Variants in ANKH observed in about 807,000 individuals in gnomAD.
The protein encoded by ANKH is ANKH inorganic pyrophosphate transport regulator.
In ANKH, 15 loss-of-function variants were observed where a neutral mutation model predicts 49.0. The ratio of observed to expected loss-of-function variants is 0.31; its 90% CI spans 0.20 to 0.47. ANKH has a LOEUF of 0.47. Ranked by LOEUF, ANKH falls within the 20% of genes least tolerant of loss-of-function variation. ANKH has a pLI of 1.00. For missense variants in ANKH, 429 were observed against 652.0 expected (o/e 0.66, Z 3.72); for synonymous variants, 273 against 260.0 (o/e 1.05, Z -0.48).
intron 1 of ANKH, among the ~76,000 whole-genome samples, chr5:14,858,078 G>A (rs2126628512): frequency 6.6e-6 from 1 of 152,310 alleles, no homozygotes; most frequent in South Asian, 2.1e-4. Context: ...ATAAATGATG[G>A]AATAGCCATG....
chr5:14,830,808 A>G (rs900775477), intron 1 of ANKH, among the ~76,000 whole-genome samples: 8 of 151,678 alleles, frequency 5.3e-5, no homozygotes, highest in African/African-American at 1.7e-4. Flanking sequence ...TCACCACTTT[A>G]CCCCCAACAT....
intron 1 of ANKH, among the ~76,000 whole-genome samples, chr5:14,844,822 C>CCT (rs148103149): frequency 0.019 from 2,891 of 152,274 alleles, 68 homozygotes; most frequent in African/African-American, 0.053. Context: ...TCTCCCCACT[C>CCT]CTCTTTTCTT....
intron 8 of ANKH, among the ~76,000 whole-genome samples, chr5:14,730,051 C>T (rs1737945938): frequency 6.6e-6 from 1 of 152,302 alleles, no homozygotes; most frequent in Admixed American, 6.5e-5. Context: ...CAGAAGCAGC[C>T]CGCTGTGCTG....
intron 1 of ANKH, among the ~76,000 whole-genome samples, chr5:14,805,036 A>C (rs1187145723): frequency 6.6e-6 from 1 of 152,190 alleles, no homozygotes; most frequent in African/African-American, 2.4e-5. Context: ...AAGGATACAA[A>C]GTACTGATTT....
At chr5:14,796,050 T>C (rs1395549707) in intron 1 of ANKH, among the ~76,000 whole-genome samples, 1 of 152,174 alleles carries the variant, frequency 6.6e-6, no homozygotes, top group Admixed American at 6.5e-5. Context: ...AGATCTTAGC[T>C]GAAAAAATTC....
intron 1 of ANKH, among the ~76,000 whole-genome samples, chr5:14,818,273 G>T (rs1042244035): frequency 6.6e-6 from 1 of 151,964 alleles, no homozygotes; most frequent in Non-Finnish European, 1.5e-5. Flanking sequence ...AGGATCAGTA[G>T]GAGGAGAAAG....
rs546407827 is a variant in ANKH at position 14,774,354 on chromosome 5, C to T, written c.97-5163G>A. 1.8e-4 allele frequency among the ~76,000 whole-genome samples: 27 copies of T among 152,276 alleles called. No homozygotes were observed. The South Asian group carries it at 5.6e-3, about 32-fold the overall frequency. On this transcript the variant is annotated intron_variant, in intron 1 of 11. Transcript: ENST00000284268. ...AGTTATGGATTAAAACTAATTGTCT[C>T]CAACTAGTGCATTACTTCAAAATCA...
At chr5:14,815,840 G>T (rs1305995633) in intron 1 of ANKH, among the ~76,000 whole-genome samples, 2 of 152,204 alleles carry the variant, frequency 1.3e-5, no homozygotes, top group Non-Finnish European at 2.9e-5. Flanking sequence ...AACACGATCG[G>T]GAATTTTGCA....
intron 2 of ANKH, among the ~76,000 whole-genome samples, chr5:14,767,806 T>C (rs4701619): frequency 0.24 from 36,606 of 152,024 alleles, 4,766 homozygotes; most frequent in East Asian, 0.5. Flanking sequence ...ATACTGTACA[T>C]GTATTCTTTG....
At chr5:14,861,574 G>A (rs2250628) in intron 1 of ANKH, among the ~76,000 whole-genome samples, 6,267 of 152,212 alleles carry the variant, frequency 0.041, 143 homozygotes, top group African/African-American at 0.07. Flanking sequence ...GTGTGGCAGT[G>A]CCTGTCACCT....
At chr5:14,734,210 C>T (rs1032557762) in intron 8 of ANKH, among the ~76,000 whole-genome samples, 3 of 152,160 alleles carry the variant, frequency 2.0e-5, no homozygotes, top group African/African-American at 4.8e-5. Context: ...TGACTCATTC[C>T]GATTTCCTGC....
At position 14,713,427 on chromosome 5, in the gene ANKH, G is replaced by A; in HGVS notation, c.1265+117C>T. ...GGGCAGACACACAAAACATCATTCT[G>A]AATTTCCGATTCTAGACGTGCCTGG... On this transcript the variant is annotated intron_variant, in intron 10 of 11. Coordinates refer to ENST00000284268, the MANE Select transcript of ANKH (RefSeq NM_054027.6). The surrounding 1 kb of genome is among the most constrained non-coding windows in gnomAD (Gnocchi z 4.4). The A allele has an allele frequency of 2.1e-6, 3 of 1,431,904 alleles. No individual in the cohort carries two copies. The highest frequency in any genetic ancestry group is 2.9e-6 in the Non-Finnish European group (3 of 1,038,792). The allele number at this position is 1,431,904 out of a possible 1,614,324, so 88.7% of individuals were successfully genotyped here.
At chr5:14,793,165 G>C (rs956266474) in intron 1 of ANKH, among the ~76,000 whole-genome samples, 11 of 147,752 alleles carry the variant, frequency 7.4e-5, no homozygotes, top group Non-Finnish European at 1.3e-4. Flanking sequence ...AAATAAAAGA[G>C]AGGTGGACAC....
intron 2 of ANKH, among the ~76,000 whole-genome samples, chr5:14,762,662 C>T (rs1300418681): frequency 6.7e-6 from 1 of 149,378 alleles, no homozygotes; most frequent in Non-Finnish European, 1.5e-5. Context: ...ATCCCAACAA[C>T]TGTTTTCACC....
At position 14,712,952 on chromosome 5, in the gene ANKH, G is replaced by A. The variant is rs751152024; in HGVS notation, c.1287C>T (p.Gly429=). The stretch of plus-strand genomic sequence containing the variant: ...CAAAGCCCGCCAGGAGGGAGCCCAC[G>A]CCCAGGGTCGCACCGTGCACCCTGC... ...PYLGVHGATL[G]VGSLLAGFVG... The change falls in exon 11 of 12, where the codon GGC becomes GGT. Residue 429 remains glycine, a synonymous_variant. Transcript: ENST00000284268. 1.8e-5 allele frequency: 29 copies of A among 1,613,088 alleles called. No homozygotes were observed. Among genetic ancestry groups the A allele is most frequent in the East Asian group, 2.2e-5 (1 of 44,872 alleles).
At chr5:14,759,925 G>C (rs1057322092) in intron 2 of ANKH, among the ~76,000 whole-genome samples, 5 of 152,126 alleles carry the variant, frequency 3.3e-5, no homozygotes, top group African/African-American at 4.8e-5. Context: ...AGTGTCTTAC[G>C]AGTGTTTTAA....
At chr5:14,765,793 C>A (rs1301860547) in intron 2 of ANKH, among the ~76,000 whole-genome samples, 1 of 152,194 alleles carries the variant, frequency 6.6e-6, no homozygotes. Flanking sequence ...GACCCATTAA[C>A]TGATGCACAG....
chr5:14,798,436 G>A, intron 1 of ANKH: 2 of 1,532,140 alleles, frequency 1.3e-6, no homozygotes, highest in South Asian at 2.4e-5. Flanking sequence ...CTGGGGTCGA[G>A]CGTTGTGGGA....
chr5:14,744,488 G>A (rs1034283336), intron 7 of ANKH, among the ~76,000 whole-genome samples: 5 of 152,246 alleles, frequency 3.3e-5, no homozygotes, highest in African/African-American at 1.2e-4. Context: ...ATAGAGACAG[G>A]GAAGAGTGGC....
Sources: gnomAD v4.1 joint callset for allele counts (sites outside exome capture counted in the v4.1 genomes callset) on GRCh38, gnomAD v4.1.1 for gene constraint, Gnocchi (gnomAD v3.1) non-coding constraint, MANE v1.5 for transcripts, NCBI Gene and HGNC (gene_info 2026-07-23, HGNC 2026-07-21) for gene names.